CSMD3: variants seen among roughly 807,000 people sequenced by gnomAD.
The protein encoded by CSMD3 is CUB and sushi domain-containing protein 3.
CSMD3 carries 177 observed loss-of-function variants against 435.2 expected under a neutral mutation model. The observed-to-expected ratio is 0.41, with a 90% confidence interval of 0.36 to 0.46. The LOEUF (loss-of-function observed/expected upper bound fraction) is 0.46, where lower values mean the gene tolerates loss of function less well. CSMD3 is among the 20% of genes least tolerant of loss of function. The pLI is 0.34. For missense variants in CSMD3, 4,265 were observed against 4,504.6 expected (o/e 0.95, Z 1.52); for synonymous variants, 1,656 against 1,520.5 (o/e 1.09, Z -2.07).
chr8:113,049,197 C>T (rs902941036), intron 5 of CSMD3, among the ~76,000 whole-genome samples: 2 of 152,098 alleles, frequency 1.3e-5, no homozygotes, highest in Non-Finnish European at 2.9e-5. Flanking sequence ...CAAGATCACG[C>T]CACTGCACTC....
Position 112,824,224 on chromosome 8 carries a change from A to ACAG in CSMD3, c.1859+5459_1859+5461dup, listed in dbSNP as rs150979145. 6.7e-3 allele frequency among the ~76,000 whole-genome samples: 1,024 copies of ACAG among 152,210 alleles called. 14 individuals carry two copies. The highest frequency in any genetic ancestry group is 0.023 in the African/African-American group (973 of 41,528). ...TGCACATAAGATGGGTCTCCTGAAT[A>ACAG]CAGCACCCTGATGAGTCTTGACTCT... On this transcript the variant is annotated intron_variant, in intron 12 of 70. Transcript: ENST00000297405.
chr8:113,170,529 G>A (rs968699940), intron 4 of CSMD3, among the ~76,000 whole-genome samples: 23 of 152,132 alleles, frequency 1.5e-4, no homozygotes, highest in Admixed American at 2.6e-4. Flanking sequence ...CTCTTAAAGC[G>A]TTGTCCCTAG....
chr8:113,072,800 G>C (rs1024594829), intron 5 of CSMD3, among the ~76,000 whole-genome samples: 3 of 142,422 alleles, frequency 2.1e-5, no homozygotes, highest in African/African-American at 8.1e-5. Context: ...AGGCTTTTCA[G>C]TAAATCAAAT....
intron 24 of CSMD3, among the ~76,000 whole-genome samples, chr8:112,566,920 T>A (rs1355737156): frequency 6.6e-6 from 1 of 152,090 alleles, no homozygotes; most frequent in Admixed American, 6.6e-5. Context: ...GTCTATAAAA[T>A]CTGGTGTACT....
chr8:112,633,992 C>T (rs1372619732), intron 22 of CSMD3, among the ~76,000 whole-genome samples: 1 of 151,972 alleles, frequency 6.6e-6, no homozygotes, highest in Non-Finnish European at 1.5e-5. Context: ...TTTTGAAATA[C>T]AACCTACTTA....
At chr8:112,536,462 C>T (rs1207333155) in intron 27 of CSMD3, among the ~76,000 whole-genome samples, 1 of 152,116 alleles carries the variant, frequency 6.6e-6, no homozygotes, top group East Asian at 1.9e-4. Context: ...CAAATCAAAA[C>T]CACAATGAGA....
intron 27 of CSMD3, among the ~76,000 whole-genome samples, chr8:112,522,491 G>T (rs1824399727): frequency 6.6e-6 from 1 of 151,736 alleles, no homozygotes; most frequent in Non-Finnish European, 1.5e-5. Context: ...GCTTTGCTAT[G>T]CCCTAGGAAG....
chr8:112,320,114 T>C (rs1468595994), intron 45 of CSMD3, 133 bp from the exon 46 acceptor site: 1 of 649,612 alleles, frequency 1.5e-6, no homozygotes, highest in Non-Finnish European at 2.7e-6. Flanking sequence ...AAGTGTCAAT[T>C]ACATCTTTAT....
intron 3 of CSMD3, among the ~76,000 whole-genome samples, chr8:113,267,761 A>G (rs2093483970): frequency 6.6e-6 from 1 of 151,766 alleles, no homozygotes; most frequent in South Asian, 2.1e-4. Context: ...CTCAATCACT[A>G]CATATTTTAT....
intron 1 of CSMD3, among the ~76,000 whole-genome samples, chr8:113,367,632 A>G (rs2094320780): frequency 6.6e-6 from 1 of 152,064 alleles, no homozygotes; most frequent in African/African-American, 2.4e-5. Context: ...GTTTTACACC[A>G]TACGCCTTCT....
chr8:112,714,999 A>G (rs143209766), intron 13 of CSMD3, among the ~76,000 whole-genome samples: 50,483 of 151,900 alleles, frequency 0.33, 9,253 homozygotes, highest in African/African-American at 0.5. Context: ...ACACCCTAAT[A>G]TCACAATTAA....
intron 45 of CSMD3, among the ~76,000 whole-genome samples, chr8:112,324,353 T>C (rs1350539147): frequency 1.3e-5 from 2 of 152,076 alleles, no homozygotes; most frequent in Non-Finnish European, 2.9e-5. Flanking sequence ...CTTATGTATT[T>C]TGTATTGTAT....
At chr8:113,140,792 T>C (rs1440852572) in intron 4 of CSMD3, among the ~76,000 whole-genome samples, 5 of 151,040 alleles carry the variant, frequency 3.3e-5, no homozygotes, top group Admixed American at 2.7e-4. Context: ...ACCAAACATA[T>C]GTTATAAAAG....
intron 27 of CSMD3, among the ~76,000 whole-genome samples, chr8:112,531,173 C>A (rs1332455074): frequency 2.6e-5 from 4 of 152,086 alleles, no homozygotes; most frequent in Admixed American, 6.6e-5. Flanking sequence ...TAGTACAGTG[C>A]CACCACAGCA....
chr8:113,145,711 C>T (rs1434634996), intron 4 of CSMD3, among the ~76,000 whole-genome samples: 2 of 151,286 alleles, frequency 1.3e-5, no homozygotes, highest in East Asian at 3.9e-4. Flanking sequence ...TAATTTCTGC[C>T]TTGTTTTGTT....
intron 38 of CSMD3, among the ~76,000 whole-genome samples, chr8:112,379,678 T>C (rs1196483670): frequency 1.3e-5 from 2 of 152,108 alleles, no homozygotes; most frequent in Non-Finnish European, 2.9e-5. Context: ...AGTACTAAGA[T>C]GCATATGGAA....
rs200956252 is a variant in CSMD3, at chr8:113,060,628, T to G, written c.917+38128A>C. Among the ~76,000 whole-genome samples the G allele has an allele frequency of 1.7e-4, 26 of 152,236 alleles. No homozygotes were observed. In the East Asian group the frequency reaches 4.8e-3, roughly 28 times the overall value. On this transcript the variant is annotated intron_variant, in intron 5 of 70. Coordinates refer to ENST00000297405, the MANE Select transcript of CSMD3 (RefSeq NM_198123.2). ...AATTTTTGCTTTTAAGCTATGGTAT[T>G]CATGTATTTAATAAGACATACTCTA...
At chr8:112,645,295 CCT>C in intron 19 of CSMD3, 70 bp from the exon 20 acceptor site, 1 of 870,380 alleles carries the variant, frequency 1.1e-6, no homozygotes, top group South Asian at 1.3e-5. Context: ...ATCTCTATCT[CCT>C]CTCTTGAATT....
intron 3 of CSMD3, among the ~76,000 whole-genome samples, chr8:113,198,930 A>G (rs2092689289): frequency 6.6e-6 from 1 of 151,374 alleles, no homozygotes; most frequent in Non-Finnish European, 1.5e-5. Context: ...GCAATCAAAT[A>G]TTTAATTTCC....
Sources: allele counts gnomAD v4.1 joint callset (sites outside exome capture counted in the v4.1 genomes callset), GRCh38; gene constraint gnomAD v4.1.1; transcripts MANE v1.5; gene names NCBI Gene and HGNC (gene_info 2026-07-23, HGNC 2026-07-21).